PDE4D: variants seen among roughly 807,000 people sequenced by gnomAD.
PDE4D encodes the protein 3',5'-cyclic-AMP phosphodiesterase 4D.
A neutral mutation model predicts 87.4 loss-of-function variants in PDE4D; 24 were observed. The observed-to-expected ratio is 0.27, with a 90% CI of 0.20 to 0.39. The LOEUF (loss-of-function observed/expected upper bound fraction) is 0.39. Ranked by LOEUF, PDE4D falls within the 10% of genes least tolerant of loss-of-function variation. PDE4D has a pLI of 1.00. For missense variants in PDE4D, 714 were observed against 1,041.0 expected (o/e 0.69, Z 4.32); for synonymous variants, 384 against 383.2 (o/e 1.00, Z -0.02).
chr5:60,478,657 C>A (rs1282671378), intron 1 of PDE4D, among the ~76,000 whole-genome samples: 1 of 152,126 alleles, frequency 6.6e-6, no homozygotes, highest in African/African-American at 2.4e-5. Flanking sequence ...GTTATCTTTT[C>A]TTTTTTCTTT....
chr5:59,717,392 T>G (rs1396985732), intron 1 of PDE4D, among the ~76,000 whole-genome samples: 1 of 152,156 alleles, frequency 6.6e-6, no homozygotes, highest in East Asian at 1.9e-4. Context: ...AATTACCATC[T>G]CATACAACAA....
At chr5:59,432,969 G>A (rs2153632593) in intron 1 of PDE4D, among the ~76,000 whole-genome samples, 1 of 152,158 alleles carries the variant, frequency 6.6e-6, no homozygotes, top group East Asian at 1.9e-4. Context: ...TAATTTGGGA[G>A]AAACATCACT....
At chr5:59,330,410 T>C (rs1776509405) in intron 1 of PDE4D, among the ~76,000 whole-genome samples, 1 of 152,118 alleles carries the variant, frequency 6.6e-6, no homozygotes, top group Non-Finnish European at 1.5e-5. Flanking sequence ...CTTGGTGGCA[T>C]TCTCCCCACC....
chr5:59,241,151 A>G (rs1319289167), intron 1 of PDE4D, among the ~76,000 whole-genome samples: 2 of 152,194 alleles, frequency 1.3e-5, no homozygotes, highest in Non-Finnish European at 2.9e-5. Flanking sequence ...CTATGAAAAG[A>G]GGACAAAGTT....
chr5:59,954,709 A>G (rs1758654437), intron 3 of PDE4D, among the ~76,000 whole-genome samples: 2 of 152,180 alleles, frequency 1.3e-5, no homozygotes, highest in Non-Finnish European at 2.9e-5. Context: ...GTAAGAGAGC[A>G]CTTTCAGAAA....
intron 1 of PDE4D, among the ~76,000 whole-genome samples, chr5:60,485,180 G>A (rs1006011879): frequency 6.6e-6 from 1 of 152,112 alleles, no homozygotes. Flanking sequence ...TTAACTCCTT[G>A]GTGGTGTGCT....
chr5:59,538,314 C>T lies in PDE4D; in HGVS notation c.456-322346G>A. Among the ~76,000 whole-genome samples the T allele has an allele frequency of 1.3e-5, 2 of 152,130 alleles. 1 individual carries two copies. The highest frequency in any genetic ancestry group is 4.8e-5 in the African/African-American group (2 of 41,436). The stretch of plus-strand genomic sequence containing the variant: ...GAGAATAAAGAGGCCTAAGGGATTG[C>T]ATTTTCCACAGTTTATTGGACATCT... On this transcript the variant is annotated intron_variant, in intron 1 of 14. Transcript: ENST00000340635.
intron 1 of PDE4D, among the ~76,000 whole-genome samples, chr5:60,370,609 G>A (rs530018980): frequency 5.3e-5 from 8 of 152,110 alleles, no homozygotes; most frequent in African/African-American, 1.7e-4. Flanking sequence ...GGTCAGCCAC[G>A]CTATTTGAAA....
intron 1 of PDE4D, among the ~76,000 whole-genome samples, chr5:59,707,531 G>C (rs1753610792): frequency 6.6e-6 from 1 of 151,942 alleles, no homozygotes. Context: ...TTTTGGTTCT[G>C]GGGTACATGC....
At position 60,135,748 on chromosome 5, in the gene PDE4D, G is replaced by A. The variant is rs1171853871; in HGVS notation, c.42+49809C>T. ...TGAAAGTAAAAAGTAAATAGCTATA[G>A]AGGAGTGCATATCCTTTCAGGACAC... On this transcript the variant is annotated intron_variant, in intron 2 of 16. Coordinates refer to the PDE4D transcript ENST00000502484. 3.9e-5 allele frequency among the ~76,000 whole-genome samples: 6 copies of A among 152,174 alleles called. No homozygotes were observed. The East Asian group carries it at 1.2e-3, about 29-fold the overall frequency.
At chr5:60,057,152 G>A (rs187035609) in intron 2 of PDE4D, among the ~76,000 whole-genome samples, 1 of 151,992 alleles carries the variant, frequency 6.6e-6, no homozygotes, top group Non-Finnish European at 1.5e-5. Flanking sequence ...TCTCTACACA[G>A]AATAAATTAG....
At chr5:60,475,652 T>C (rs1748251441) in intron 1 of PDE4D, among the ~76,000 whole-genome samples, 1 of 152,102 alleles carries the variant, frequency 6.6e-6, no homozygotes, top group Admixed American at 6.5e-5. Flanking sequence ...TAATGTCTAT[T>C]ATATACTAGA....
chr5:59,106,701 G>A (rs1007572454), intron 5 of PDE4D, among the ~76,000 whole-genome samples: 11 of 152,144 alleles, frequency 7.2e-5, no homozygotes, highest in South Asian at 6.2e-4. Context: ...CGGAGTTTGC[G>A]GTGAGCTGAG....
At chr5:59,184,222 G>C (rs541329551) in intron 4 of PDE4D, among the ~76,000 whole-genome samples, 1 of 152,202 alleles carries the variant, frequency 6.6e-6, no homozygotes, top group Non-Finnish European at 1.5e-5. Flanking sequence ...GAACCTAATG[G>C]GTTCCATTCC....
intron 1 of PDE4D, among the ~76,000 whole-genome samples, chr5:59,839,986 C>G (rs1742724450): frequency 3.3e-5 from 5 of 152,042 alleles, no homozygotes; most frequent in Non-Finnish European, 7.4e-5. Flanking sequence ...CTTGTCCTGT[C>G]CTACATGAGC....
intron 1 of PDE4D, among the ~76,000 whole-genome samples, chr5:59,490,609 GT>G (rs1489165220): frequency 8.5e-5 from 13 of 152,116 alleles, no homozygotes; most frequent in African/African-American, 2.9e-4. Flanking sequence ...TTCTTTATAT[GT>G]TACATGCCTC....
At chr5:60,082,410 A>G (rs1774053164) in intron 2 of PDE4D, among the ~76,000 whole-genome samples, 1 of 148,232 alleles carries the variant, frequency 6.7e-6, no homozygotes, top group African/African-American at 2.5e-5. Flanking sequence ...CCCAGCCTCC[A>G]AAACTGTGAG....
chr5:59,192,438 T>C (rs1400900578), intron 3 of PDE4D, among the ~76,000 whole-genome samples: 38 of 152,166 alleles, frequency 2.5e-4, no homozygotes, highest in Non-Finnish European at 2.9e-5. Flanking sequence ...AAAAGTTCAG[T>C]GACTCGCTCA....
At chr5:60,351,512 C>T (rs1759190013) in intron 1 of PDE4D, among the ~76,000 whole-genome samples, 1 of 152,030 alleles carries the variant, frequency 6.6e-6, no homozygotes, top group African/African-American at 2.4e-5. Flanking sequence ...TAGCAGCTAT[C>T]TTGGATCATG....
Sources: gnomAD v4.1 joint callset for allele counts (sites outside exome capture counted in the v4.1 genomes callset) on GRCh38, gnomAD v4.1.1 for gene constraint, MANE v1.5 for transcripts, NCBI Gene and HGNC (gene_info 2026-07-23, HGNC 2026-07-21) for gene names.